Variants in OPA1 observed in about 807,000 individuals in gnomAD.
OPA1 encodes OPA1 mitochondrial dynamin like GTPase.
A neutral mutation model predicts 152.9 loss-of-function variants in OPA1; 59 were observed. That is an observed-to-expected ratio of 0.39 (90% CI 0.31 to 0.48). The LOEUF is 0.48. Among genes scored for constraint, OPA1 ranks in the 20% least tolerant of loss-of-function variants. The probability of loss-of-function intolerance (pLI) is 0.96; values close to 1 mark genes in which losing one functional copy is unlikely to be tolerated. For synonymous variants in OPA1, 400 were observed against 389.9 expected, an observed-to-expected ratio of 1.03 and a Z score of -0.31; for missense variants, 1,008 against 1,216.8, an observed-to-expected ratio of 0.83 and a Z score of 2.55.
At position 193,691,985 on chromosome 3, in the gene OPA1, A is replaced by G. The variant is rs1032324069; in HGVS notation, c.2984-78A>G. The G allele has an allele frequency of 3.5e-6, 3 of 854,852 alleles. No homozygotes were observed. The African/African-American group carries it at 5.1e-5, about 15-fold the overall frequency. 53.0% of individuals were successfully genotyped at this position (854,852 alleles called of 1,614,324 possible). On this transcript the variant is annotated intron_variant, in intron 29 of 30. Coordinates refer to ENST00000361510, the MANE Select transcript of OPA1 (RefSeq NM_130837.3). ...TTCCCGCAAATAGTTAAGTATACCA[A>G]CCATTTAGTAAATAATTACCTCCTG...
At position 193,657,115 on chromosome 3, in the gene OPA1, C is replaced by T; in HGVS notation, c.2214C>T (p.Arg738=). The T allele has an allele frequency of 6.2e-7, 1 of 1,613,702 alleles. No homozygotes were observed. Among genetic ancestry groups the T allele is most frequent in the South Asian group, 1.1e-5 (1 of 91,028 alleles). ...AWETLQEEFS[R]FMTEPKGKEH... ...AGACCCTACAAGAAGAATTTTCCCG[C>T]TTTATGACAGAACCGAAAGGGAAAG... The change falls in exon 23 of 31, where the codon CGC becomes CGT. Residue 738 remains arginine (R), a synonymous_variant. Coordinates refer to ENST00000361510, the MANE Select transcript of OPA1 (RefSeq NM_130837.3).
chr3:193,628,197 G>GT (rs1039559293), intron 7 of OPA1, among the ~76,000 whole-genome samples: 1 of 151,870 alleles, frequency 6.6e-6, no homozygotes, highest in Non-Finnish European at 1.5e-5. Flanking sequence ...TTTTTTAATT[G>GT]TTTTTTCTCT....
rs927880897 is a variant in OPA1, at chr3:193,677,146, G to C, written c.2983+9866G>C. Reference sequence around the variant, plus strand: ...TTAAACTCAAGTTTTAACTGATTAAGAATAAAGACAAGAATGTTCTCTACA... The same window carrying C: ...TTAAACTCAAGTTTTAACTGATTAACAATAAAGACAAGAATGTTCTCTACA... On this transcript the variant is annotated intron_variant, in intron 29 of 30. Coordinates refer to ENST00000361510, the MANE Select transcript of OPA1 (RefSeq NM_130837.3). Among the ~76,000 whole-genome samples the C allele has an allele frequency of 3.3e-5, 5 of 151,976 alleles. No homozygotes were observed. The East Asian group carries it at 9.6e-4, about 29-fold the overall frequency.
intron 22 of OPA1, 67 bp downstream of exon 22, chr3:193,655,094 A>T: frequency 7.0e-7 from 1 of 1,437,404 alleles, no homozygotes; most frequent in East Asian, 2.3e-5. Context: ...TGTGAATTTT[A>T]GATTTTATTC....
chr3:193,622,952 TGAG>T (rs1452320649), intron 6 of OPA1, among the ~76,000 whole-genome samples: 2 of 152,196 alleles, frequency 1.3e-5, no homozygotes, highest in Non-Finnish European at 1.5e-5. Flanking sequence ...TGGCAACCAT[TGAG>T]GAGAACAAGG....
chr3:193,608,669 C>T (rs7613578), intron 1 of OPA1, among the ~76,000 whole-genome samples: 75,379 of 151,890 alleles, frequency 0.5, 19,082 homozygotes, highest in African/African-American at 0.57. Flanking sequence ...CTAAGAAGAA[C>T]GTATGTTCTG....
chr3:193,617,685 G>C (rs897271424), intron 4 of OPA1, 99 bp from the exon 5 acceptor site: 1 of 861,030 alleles, frequency 1.2e-6, no homozygotes, highest in African/African-American at 1.7e-5. Flanking sequence ...CCCAATTATT[G>C]CCCTATCGTA....
intron 29 of OPA1, among the ~76,000 whole-genome samples, chr3:193,676,068 A>G (rs1307802326): frequency 6.6e-6 from 1 of 152,212 alleles, no homozygotes; most frequent in Non-Finnish European, 1.5e-5. Flanking sequence ...AAAACCACTT[A>G]TTGATAGATC....
At chr3:193,672,522 T>C (rs1718151667) in intron 29 of OPA1, among the ~76,000 whole-genome samples, 1 of 152,222 alleles carries the variant, frequency 6.6e-6, no homozygotes, top group African/African-American at 2.4e-5. Context: ...CAGAGACTTA[T>C]TGATACTGAC....
At chr3:193,605,159 T>C (rs1222727446) in intron 1 of OPA1, among the ~76,000 whole-genome samples, 1 of 152,208 alleles carries the variant, frequency 6.6e-6, no homozygotes, top group Non-Finnish European at 1.5e-5. Flanking sequence ...CAAACAAGTA[T>C]TGACTTTCTT....
intron 9 of OPA1, 23 bp from the exon 10 acceptor site, chr3:193,637,172 A>G (rs773064891): frequency 5.1e-6 from 7 of 1,373,330 alleles, no homozygotes; most frequent in African/African-American, 2.9e-5. Context: ...GTTTTATATT[A>G]TAACTTTTTA....
chr3:193,658,786 A>G (rs1008455465), intron 23 of OPA1, 101 bp from the exon 24 acceptor site: 10 of 804,592 alleles, frequency 1.2e-5, no homozygotes, highest in Admixed American at 3.7e-5. Flanking sequence ...GTTTATATAC[A>G]TGGTTATTTT....
intron 1 of OPA1, among the ~76,000 whole-genome samples, chr3:193,605,864 G>T (rs1447179556): frequency 6.6e-6 from 1 of 152,164 alleles, no homozygotes; most frequent in Non-Finnish European, 1.5e-5. Context: ...TCACAGAAAT[G>T]ACCTTTTTAC....
At chr3:193,635,380 C>A (rs1284914567) in intron 8 of OPA1, 38 bp from the exon 9 acceptor site, 3 of 1,258,780 alleles carry the variant, frequency 2.4e-6, no homozygotes, top group African/African-American at 1.5e-5. Flanking sequence ...GATAACCCAT[C>A]TTTTGCTTAT....
intron 30 of OPA1, among the ~76,000 whole-genome samples, chr3:193,693,794 A>G (rs539954490): frequency 1.3e-5 from 2 of 152,314 alleles, no homozygotes; most frequent in South Asian, 4.1e-4. Context: ...AAAACCATTA[A>G]GTGTTACAAT....
In OPA1 at chr3:193,618,911, C is replaced by T. The variant is rs200243596; in HGVS notation, c.653C>T (p.Ser218Phe). 2.7e-4 allele frequency: 440 copies of T among 1,613,616 alleles called. No homozygotes were observed. The highest frequency in any genetic ancestry group is 3.4e-4 in the Non-Finnish European group (397 of 1,179,716). Residue 218 changes from serine to phenylalanine, a missense_variant, in exon 6 of 31, where the codon TCT becomes TTT. This residue lies in a region of OPA1 where 408 missense variants were observed against 395.1 expected (regional missense o/e 1.03). Transcript: ENST00000361510. Reference protein sequence around the residue: ...ETAFRATDRGSESDKHFRKGL... With the variant: ...ETAFRATDRGFESDKHFRKGL... Reference sequence around the variant, plus strand: ...GCGTTTAGAGCAACAGATCGTGGATCTGAAAGTGACAAGCATTTTAGAAAG... The same window carrying T: ...GCGTTTAGAGCAACAGATCGTGGATTTGAAAGTGACAAGCATTTTAGAAAG...
At chr3:193,656,858 T>C (rs776627431) in intron 22 of OPA1, among the ~76,000 whole-genome samples, 35 of 152,178 alleles carry the variant, frequency 2.3e-4, no homozygotes, top group Admixed American at 7.9e-4. Flanking sequence ...GCTATACATG[T>C]CTAGGAAAAC....
At chr3:193,608,111 T>G (rs1727580696) in intron 1 of OPA1, among the ~76,000 whole-genome samples, 3 of 152,226 alleles carry the variant, frequency 2.0e-5, no homozygotes, top group Admixed American at 2.0e-4. Context: ...TTGTTAGTCT[T>G]GCTAGCGGTC....
intron 1 of OPA1, among the ~76,000 whole-genome samples, chr3:193,595,363 C>T (rs1276108336): frequency 5.9e-5 from 9 of 152,102 alleles, no homozygotes; most frequent in Non-Finnish European, 1.2e-4. Flanking sequence ...AAAAGAATTA[C>T]ATATTAGGAA....
Sources: gnomAD v4.1 joint callset for allele counts (sites outside exome capture counted in the v4.1 genomes callset) on GRCh38, gnomAD v4.1.1 for gene constraint, gnomAD v4.1.1 regional missense constraint, MANE v1.5 for transcripts, NCBI Gene and HGNC (gene_info 2026-07-23, HGNC 2026-07-21) for gene names.